The following COMMD6 variants were observed in gnomAD, a reference collection of about 807,000 sequenced individuals.
The protein encoded by COMMD6 is COMM domain-containing protein 6.
In COMMD6, 11 loss-of-function variants were observed where a neutral mutation model predicts 13.4. The observed-to-expected ratio is 0.82, with a 90% CI of 0.52 to 1.36. COMMD6 has a LOEUF of 1.36. COMMD6 is among the 40% of genes most tolerant of loss of function. The pLI is 0.00. For missense variants in COMMD6, 124 were observed against 102.4 expected (o/e 1.21, Z -0.91); for synonymous variants, 43 against 36.5 (o/e 1.18, Z -0.64).
chr13:75,548,437 C>T (rs1193238796), intron 1 of COMMD6, among the ~76,000 whole-genome samples: 2 of 152,146 alleles, frequency 1.3e-5, no homozygotes, highest in African/African-American at 4.8e-5. Flanking sequence ...TTTTCTGACT[C>T]CCTAACTGCT....
At position 75,537,767 on chromosome 13, in the gene COMMD6, G is replaced by T. The variant is rs995026285; in HGVS notation, c.39C>A (p.Ser13=). The stretch of plus-strand genomic sequence containing the variant: ...CTCCTTCCAGGTTGGAACTCACATC[G>T]GACTTAGCATCCAGCGGCGGCTCGC... ...ASSEPPLDAK[S]DVTNQLVDFQ... is the part of the protein sequence containing the mutation. Residue 13 remains serine (S), a synonymous_variant, in exon 1 of 4, where the codon TCC becomes TCA. Coordinates refer to ENST00000682242, the MANE Select transcript of COMMD6 (RefSeq NM_203495.4). The T allele has an allele frequency of 1.2e-6, 2 of 1,613,236 alleles. No homozygotes were observed. The highest frequency in any genetic ancestry group is 1.3e-5 in the African/African-American group (1 of 74,924).
chr13:75,532,171 G>T (rs2030503807), intron 2 of COMMD6, among the ~76,000 whole-genome samples: 1 of 152,182 alleles, frequency 6.6e-6, no homozygotes, highest in South Asian at 2.1e-4. Flanking sequence ...GTGGGCTTCT[G>T]GGGGACTGGT....
intron 2 of COMMD6, chr13:75,530,637 A>G (rs1278497610): frequency 6.1e-6 from 1 of 164,988 alleles, no homozygotes; most frequent in Non-Finnish European, 1.3e-5. Flanking sequence ...TTACATTAGC[A>G]TGTATAGTGA....
intron 2 of COMMD6, among the ~76,000 whole-genome samples, chr13:75,530,679 G>A (rs1467365164): frequency 6.6e-6 from 1 of 152,152 alleles, no homozygotes; most frequent in Non-Finnish European, 1.5e-5. Flanking sequence ...CATTGTTCAT[G>A]ACAGATACAT....
chr13:75,536,313 C>T, intron 2 of COMMD6, among the ~76,000 whole-genome samples: 1 of 152,208 alleles, frequency 6.6e-6, no homozygotes, highest in East Asian at 1.9e-4. Context: ...ATGATCTTGG[C>T]TTTTCCTATG....
At chr13:75,544,736 G>A (rs2030876975) in intron 1 of COMMD6, among the ~76,000 whole-genome samples, 1 of 151,648 alleles carries the variant, frequency 6.6e-6, no homozygotes, top group African/African-American at 2.4e-5. Flanking sequence ...GCACTCCTAG[G>A]CAACAGAATG....
intron 2 of COMMD6, 79 bp downstream of exon 2, chr13:75,537,585 G>A: frequency 6.2e-7 from 1 of 1,608,164 alleles, no homozygotes; most frequent in East Asian, 2.2e-5. Flanking sequence ...GGAGACCTGG[G>A]GAAGGCTCAG....
chr13:75,549,146 T>C (rs1396394415), intron 1 of COMMD6, among the ~76,000 whole-genome samples: 1 of 152,250 alleles, frequency 6.6e-6, no homozygotes, highest in Non-Finnish European at 1.5e-5. Context: ...CGTTGTCTTG[T>C]CCACTGCCTC....
At chr13:75,547,410 G>A (rs548931831) in intron 1 of COMMD6, among the ~76,000 whole-genome samples, 1 of 152,266 alleles carries the variant, frequency 6.6e-6, no homozygotes, top group East Asian at 1.9e-4. Flanking sequence ...AAGTAGGCAG[G>A]TTCAAAATGC....
In COMMD6 at chr13:75,525,642, G is replaced by C. The variant is rs2030218219; in HGVS notation, c.*947C>G. Reference sequence around the variant, plus strand: ...CTGAGCGCACAGGTGGGCTGCGGCAGGCAGCAGTCCTGGGCTCCTCACAGC... The same window carrying C: ...CTGAGCGCACAGGTGGGCTGCGGCACGCAGCAGTCCTGGGCTCCTCACAGC... On this transcript the variant is annotated 3_prime_UTR_variant, in exon 4 of 4. Transcript: ENST00000682242. The C allele has an allele frequency of 6.6e-6, 1 of 152,312 alleles. No homozygotes were observed. The highest frequency in any genetic ancestry group is 2.4e-5 in the African/African-American group (1 of 41,478). 9.4% of individuals were successfully genotyped at this position (152,312 alleles called of 1,614,324 possible).
At chr13:75,540,557 CATT>C (rs113163003), upstream of COMMD6, among the ~76,000 whole-genome samples, 503 of 152,216 alleles carry the variant, frequency 3.3e-3, 1 homozygote, top group African/African-American at 0.011. Flanking sequence ...AGTAAAATGT[CATT>C]AGAGTTTAGG....
intron 2 of COMMD6, 189 bp from the exon 3 acceptor site, chr13:75,530,455 T>TA: frequency 2.6e-6 from 1 of 388,590 alleles, no homozygotes; most frequent in Non-Finnish European, 4.5e-6. Flanking sequence ...TTATAAGGGA[T>TA]ATAAACAGTT....
chr13:75,527,081 T>A (rs1161618168), intron 3 of COMMD6, among the ~76,000 whole-genome samples: 2 of 152,204 alleles, frequency 1.3e-5, no homozygotes, highest in African/African-American at 2.4e-5. Flanking sequence ...AACTATGGTT[T>A]ATATGGTAGA....
chr13:75,533,726 T>C (rs571292307), intron 2 of COMMD6, among the ~76,000 whole-genome samples: 15 of 152,266 alleles, frequency 9.9e-5, no homozygotes, highest in African/African-American at 3.4e-4. Context: ...GTCTTGATGA[T>C]TGCCTACAAG....
chr13:75,546,620 T>C (rs2030908317), intron 1 of COMMD6, among the ~76,000 whole-genome samples: 1 of 152,208 alleles, frequency 6.6e-6, no homozygotes, highest in South Asian at 2.1e-4. Context: ...AAGTAGGAAA[T>C]AGCGATAAAC....
intron 2 of COMMD6, chr13:75,537,245 C>A: frequency 1.5e-6 from 2 of 1,351,416 alleles, no homozygotes; most frequent in Non-Finnish European, 2.0e-6. Context: ...AATTCATATT[C>A]CTAGCATTAT....
intron 2 of COMMD6, among the ~76,000 whole-genome samples, chr13:75,536,964 G>A (rs2030684028): frequency 6.6e-6 from 1 of 152,166 alleles, no homozygotes; most frequent in Non-Finnish European, 1.5e-5. Context: ...TACTTCCCAG[G>A]AATCCTCGAA....
upstream of COMMD6, among the ~76,000 whole-genome samples, chr13:75,543,555 T>A (rs544788525): frequency 6.2e-4 from 95 of 152,144 alleles, no homozygotes; most frequent in Non-Finnish European, 1.2e-3. Flanking sequence ...TTTGACAGAG[T>A]AGAGCATAAC....
chr13:75,547,785 G>A (rs1384520659), intron 1 of COMMD6, among the ~76,000 whole-genome samples: 1 of 152,224 alleles, frequency 6.6e-6, no homozygotes, highest in African/African-American at 2.4e-5. Context: ...GACAACCTCT[G>A]TAAGGTGAAA....
Sources: gnomAD v4.1 joint callset for allele counts (sites outside exome capture counted in the v4.1 genomes callset) on GRCh38, gnomAD v4.1.1 for gene constraint, MANE v1.5 for transcripts, NCBI Gene and HGNC (gene_info 2026-07-23, HGNC 2026-07-21) for gene names.